ERC2: variants seen among roughly 807,000 people sequenced by gnomAD.
The protein encoded by ERC2 is ERC protein 2.
A neutral mutation model predicts 114.8 loss-of-function variants in ERC2; 42 were observed. The observed-to-expected ratio is 0.37, with a 90% confidence interval of 0.29 to 0.47. ERC2 has a LOEUF of 0.47. ERC2 is among the 20% of genes least tolerant of loss of function. The probability of loss-of-function intolerance (pLI) is 0.99; values close to 1 mark genes in which losing one functional copy is unlikely to be tolerated. For missense variants in ERC2, 939 were observed against 1,150.7 expected (o/e 0.82, Z 2.66); for synonymous variants, 454 against 425.5 (o/e 1.07, Z -0.82).
chr3:56,078,335 T>C (rs2149749958), intron 7 of ERC2, among the ~76,000 whole-genome samples: 1 of 152,340 alleles, frequency 6.6e-6, no homozygotes, highest in African/African-American at 2.4e-5. Flanking sequence ...AAAGCCTCTA[T>C]AATTTGGTTT....
At chr3:55,781,453 G>A (rs761881258) in intron 14 of ERC2, among the ~76,000 whole-genome samples, 5 of 151,934 alleles carry the variant, frequency 3.3e-5, no homozygotes, top group Non-Finnish European at 7.4e-5. Context: ...TTTGTCTTCT[G>A]AATTTTCAAG....
chr3:56,280,633 T>A (rs920756887), intron 3 of ERC2, among the ~76,000 whole-genome samples: 1 of 152,210 alleles, frequency 6.6e-6, no homozygotes, highest in African/African-American at 2.4e-5. Flanking sequence ...AGGCTTGGGA[T>A]GGAATTTTCC....
At chr3:56,117,459 T>A (rs1334760223) in intron 6 of ERC2, among the ~76,000 whole-genome samples, 1 of 152,172 alleles carries the variant, frequency 6.6e-6, no homozygotes, top group Non-Finnish European at 1.5e-5. Context: ...GACATTTCCA[T>A]CCTTAGAAGA....
intron 6 of ERC2, among the ~76,000 whole-genome samples, chr3:56,131,808 T>C (rs1438475603): frequency 2.0e-5 from 3 of 152,144 alleles, no homozygotes; most frequent in Non-Finnish European, 4.4e-5. Flanking sequence ...CAATAATTTA[T>C]TGTATACTTT....
chr3:56,279,239 T>G (rs1045642660), intron 3 of ERC2, among the ~76,000 whole-genome samples: 1 of 152,246 alleles, frequency 6.6e-6, no homozygotes, highest in Non-Finnish European at 1.5e-5. Flanking sequence ...AAGGCATTAC[T>G]AGGGTTCATG....
intron 7 of ERC2, among the ~76,000 whole-genome samples, chr3:56,059,489 T>C (rs112495472): frequency 5.3e-5 from 8 of 152,364 alleles, no homozygotes; most frequent in African/African-American, 1.7e-4. Context: ...TAAGTGACTT[T>C]GGACAACTTA....
chr3:55,714,188 A>T (rs1270499083), intron 15 of ERC2, among the ~76,000 whole-genome samples: 2 of 152,206 alleles, frequency 1.3e-5, no homozygotes, highest in Non-Finnish European at 2.9e-5. Context: ...TGGAAAGTTA[A>T]TTTCTGTCTT....
chr3:55,599,479 T>G (rs1429064580), intron 17 of ERC2, among the ~76,000 whole-genome samples: 1 of 152,246 alleles, frequency 6.6e-6, no homozygotes, highest in African/African-American at 2.4e-5. Flanking sequence ...ATCACACATG[T>G]ATTTATGAGG....
At chr3:55,948,702 G>T (rs1307679342) in intron 13 of ERC2, among the ~76,000 whole-genome samples, 5 of 152,142 alleles carry the variant, frequency 3.3e-5, no homozygotes, top group African/African-American at 7.2e-5. Flanking sequence ...CTATACAAAA[G>T]TTCATGGGCC....
chr3:55,652,895 T>G (rs551931975), intron 17 of ERC2, among the ~76,000 whole-genome samples: 1 of 151,308 alleles, frequency 6.6e-6, no homozygotes, highest in Non-Finnish European at 1.5e-5. Context: ...CAATACATGT[T>G]ATTGTTCTGT....
chr3:56,440,767 T>A (rs1038883607), intron 1 of ERC2, among the ~76,000 whole-genome samples: 1 of 152,228 alleles, frequency 6.6e-6, no homozygotes, highest in Non-Finnish European at 1.5e-5. Context: ...TCAAACTATA[T>A]AAAGACTATA....
Position 55,634,580 on chromosome 3 carries a change from C to T in ERC2, c.*39+49214G>A, listed in dbSNP as rs371034188. On this transcript the variant is annotated intron_variant, in intron 17 of 17. Coordinates refer to ENST00000288221, the MANE Select transcript of ERC2 (RefSeq NM_015576.3). ...ACGGGGGAAGCCTAATCAGTTCATA[C>T]GAGAACCTGTCAGTAGAACCTCTAC... 1.0e-3 allele frequency among the ~76,000 whole-genome samples: 153 copies of T among 152,242 alleles called. 1 individual carries two copies. The highest frequency in any genetic ancestry group is 3.4e-3 in the Middle Eastern group (1 of 292).
At chr3:55,616,526 T>C (rs956468654) in intron 17 of ERC2, among the ~76,000 whole-genome samples, 1 of 152,130 alleles carries the variant, frequency 6.6e-6, no homozygotes, top group Non-Finnish European at 1.5e-5. Context: ...ATATATACAC[T>C]ACATATATGT....
rs1031181432 is a variant in ERC2 at position 56,268,241 on chromosome 3, G to C, written c.1074+27778C>G. On this transcript the variant is annotated intron_variant, in intron 3 of 17. Coordinates refer to ENST00000288221, the MANE Select transcript of ERC2 (RefSeq NM_015576.3). The stretch of plus-strand genomic sequence containing the variant: ...TTCAGTCCAGTAATATGCTGTACAA[G>C]TTAGTAGCCTAGGAGCAATTGGCTA... Among the ~76,000 whole-genome samples the C allele has an allele frequency of 4.6e-5, 7 of 152,130 alleles. No homozygotes were observed. The East Asian group carries it at 1.2e-3, about 25-fold the overall frequency.
intron 17 of ERC2, among the ~76,000 whole-genome samples, chr3:55,674,073 C>T (rs1214211307): frequency 1.3e-5 from 2 of 152,190 alleles, no homozygotes. Flanking sequence ...ATCCAAAGGG[C>T]TCTAGTGTGC....
At chr3:56,033,025 AG>A (rs1465178807) in intron 7 of ERC2, among the ~76,000 whole-genome samples, 10 of 87,268 alleles carry the variant, frequency 1.1e-4, no homozygotes, top group African/African-American at 3.1e-4. Flanking sequence ...GAAAGAAAAA[AG>A]AAACAGAAAG....
chr3:56,433,533 G>A lies in ERC2; in HGVS notation c.657+818C>T, dbSNP rs115265390. 8.5e-3 allele frequency among the ~76,000 whole-genome samples: 1,289 copies of A among 152,354 alleles called. 19 individuals carry two copies. The highest frequency in any genetic ancestry group is 0.029 in the African/African-American group (1,204 of 41,596). Reference sequence around the variant, plus strand: ...ACAGAAAGCACAGATGTGGAGGGAGGCAGCACAAGATAAGGCTGGAAATGT... The same window carrying A: ...ACAGAAAGCACAGATGTGGAGGGAGACAGCACAAGATAAGGCTGGAAATGT... On this transcript the variant is annotated intron_variant, in intron 2 of 17. Transcript: ENST00000288221.
At position 56,444,318 on chromosome 3, in the gene ERC2, T is replaced by C. The variant is rs181467645; in HGVS notation, c.-140-9171A>G. On this transcript the variant is annotated intron_variant, in intron 1 of 17. Transcript: ENST00000288221. Reference sequence around the variant, plus strand: ...TTGTGATGTGCAACTGTAAGAAGGGTAAATTATTAATTAGGTCAAACTGTG... The same window carrying C: ...TTGTGATGTGCAACTGTAAGAAGGGCAAATTATTAATTAGGTCAAACTGTG... Among the ~76,000 whole-genome samples the C allele has an allele frequency of 1.1e-4, 17 of 152,112 alleles. No individual in the cohort carries two copies. The East Asian group carries it at 2.7e-3, about 24-fold the overall frequency.
At position 56,153,411 on chromosome 3, in the gene ERC2, A is replaced by T. The variant is rs112269329; in HGVS notation, c.1150-4279T>A. Among the ~76,000 whole-genome samples the T allele has an allele frequency of 3.5e-3, 533 of 152,268 alleles. 1 individual carries two copies. Among genetic ancestry groups the T allele is most frequent in the African/African-American group, 0.012 (511 of 41,552 alleles). ...GAATCCAAATCCATATTTTCACAAG[A>T]TCCTCGGGTGATTCGGGTGTTCTAA... On this transcript the variant is annotated intron_variant, in intron 4 of 17. Coordinates refer to ENST00000288221, the MANE Select transcript of ERC2 (RefSeq NM_015576.3).
Sources: gnomAD v4.1 joint callset for allele counts (sites outside exome capture counted in the v4.1 genomes callset) on GRCh38, gnomAD v4.1.1 for gene constraint, MANE v1.5 for transcripts, NCBI Gene and HGNC (gene_info 2026-07-23, HGNC 2026-07-21) for gene names.